Variants in HMCN2 observed in about 807,000 individuals in gnomAD.
HMCN2 encodes the protein hemicentin 2, also known as hemicentin-2.
A neutral mutation model predicts 377.5 loss-of-function variants in HMCN2; 325 were observed. That is an observed-to-expected ratio of 0.86 (90% CI 0.79 to 0.94). The LOEUF (loss-of-function observed/expected upper bound fraction) is 0.94, where lower values mean the gene tolerates loss of function less well. Ranked by LOEUF, HMCN2 falls within the 40% of genes least tolerant of loss-of-function variation. The probability of loss-of-function intolerance (pLI) is 0.00; values close to 1 mark genes in which losing one functional copy is unlikely to be tolerated. For missense variants in HMCN2, 4,543 were observed against 4,725.3 expected (o/e 0.96, Z 1.13); for synonymous variants, 2,007 against 2,046.8 (o/e 0.98, Z 0.53).
At chr9:130,335,725 G>A (rs1838710033) in intron 22 of HMCN2, among the ~76,000 whole-genome samples, 2 of 152,172 alleles carry the variant, frequency 1.3e-5, no homozygotes, top group African/African-American at 2.4e-5. Flanking sequence ...TCCTTGGCTC[G>A]AGGTCAGCCT....
chr9:130,359,690 C>A (rs1012998685), intron 37 of HMCN2, among the ~76,000 whole-genome samples: 2 of 152,172 alleles, frequency 1.3e-5, no homozygotes, highest in Non-Finnish European at 2.9e-5. Flanking sequence ...GGATCAGGAC[C>A]TCAGAGTCAC....
Position 130,410,587 on chromosome 9 carries a change from G to A in HMCN2, c.12896G>A (p.Arg4299Gln), listed in dbSNP as rs775077922. ...IRRTERDDAG[R>Q]YQCLAENEMG... is the part of the protein sequence containing the mutation. ...CACTTGCAGAGGGACGATGCGGGAC[G>A]GTACCAGTGCCTGGCAGAGAATGAG... is the stretch of plus-strand genomic sequence containing the variant. Residue 4299 changes from arginine to glutamine, a missense_variant, in exon 85 of 98, where the codon CGG becomes CAG. Around this residue, in one of 5 missense-constraint regions of HMCN2, gnomAD observed 1,155 missense variants for 1,157.7 expected, o/e 1.00. Transcript: ENST00000683500. 6.3e-5 allele frequency: 98 copies of A among 1,550,580 alleles called. No homozygotes were observed. In the Middle Eastern group the frequency reaches 8.3e-4, roughly 13 times the overall value.
At chr9:130,364,675 A>G (rs900087724) in intron 40 of HMCN2, 39 bp from the exon 41 acceptor site, 2 of 977,296 alleles carry the variant, frequency 2.0e-6, no homozygotes, top group African/African-American at 1.8e-5. Context: ...AGCCCCACCC[A>G]TGTGCCTGAG....
intron 22 of HMCN2, among the ~76,000 whole-genome samples, chr9:130,328,700 G>A (rs941331984): frequency 3.9e-5 from 6 of 152,208 alleles, no homozygotes; most frequent in African/African-American, 1.4e-4. Context: ...CGCAGACCCG[G>A]TGCCGAACTG....
At position 130,353,184 on chromosome 9, in the gene HMCN2, G is replaced by A. The variant is rs1309972953; in HGVS notation, c.4843G>A (p.Ala1615Thr). ...ASNAVGAAEK[A>T]TRLDVYVPPT... The stretch of plus-strand genomic sequence containing the variant: ...CAATGCTGTGGGGGCCGCAGAGAAG[G>A]CCACCAGGCTGGATGTTTATGGTGA... The change falls in exon 31 of 98, where the codon GCC becomes ACC. Residue 1615 changes from alanine (A) to threonine (T), a missense_variant. Around this residue, in one of 5 missense-constraint regions of HMCN2, gnomAD observed 1,032 missense variants for 1,285.1 expected, o/e 0.80. Coordinates refer to ENST00000683500, the MANE Select transcript of HMCN2 (RefSeq NM_001291815.2). 1.1e-5 allele frequency: 14 copies of A among 1,303,804 alleles called. No homozygotes were observed. Among genetic ancestry groups the A allele is most frequent in the Non-Finnish European group, 1.4e-5 (14 of 988,912 alleles). 80.8% of individuals were successfully genotyped at this position (1,303,804 alleles called of 1,614,324 possible). A position where few individuals can be genotyped will look rare whatever the true frequency, so the allele number is the denominator to read the frequency against.
intron 40 of HMCN2, 57 bp downstream of exon 40, chr9:130,363,047 G>C: frequency 1.0e-6 from 1 of 985,418 alleles, no homozygotes; most frequent in Non-Finnish European, 1.2e-6. Context: ...GATGGGGTGG[G>C]GGGCATTCCC....
chr9:130,381,694 C>A (rs1841731083), intron 54 of HMCN2, among the ~76,000 whole-genome samples: 1 of 152,076 alleles, frequency 6.6e-6, no homozygotes, highest in South Asian at 2.1e-4. Context: ...GGCTTTTGAT[C>A]ACAGAGGGTC....
At position 130,424,765 on chromosome 9, in the gene HMCN2, G is replaced by C. The variant is rs760023865; in HGVS notation, c.13382-11G>C. The C allele has an allele frequency of 9.5e-5, 145 of 1,530,978 alleles. No homozygotes were observed. Among genetic ancestry groups the C allele is most frequent in the Middle Eastern group, 7.9e-4 (4 of 5,086 alleles). 94.8% of individuals were successfully genotyped at this position (1,530,978 alleles called of 1,614,324 possible). On this transcript the variant is annotated splice_polypyrimidine_tract_variant and intron_variant, in intron 87 of 97. Coordinates refer to ENST00000683500, the MANE Select transcript of HMCN2 (RefSeq NM_001291815.2). Reference sequence around the variant, plus strand: ...AGCTCTAACCCGGCCTCTATGCCCTGCCCCACCCAGGGCCTCTGATGCGGG... The same window carrying C: ...AGCTCTAACCCGGCCTCTATGCCCTCCCCCACCCAGGGCCTCTGATGCGGG...
At chr9:130,396,681 GC>G (rs1190054817) in intron 73 of HMCN2, among the ~76,000 whole-genome samples, 1 of 152,100 alleles carries the variant, frequency 6.6e-6, no homozygotes, top group South Asian at 2.1e-4. Context: ...CAGGTTTACA[GC>G]TCCTCAGCTC....
Position 130,294,857 on chromosome 9 carries a change from G to A in HMCN2, c.615G>A (p.Val205=), listed in dbSNP as rs782456952. 19 of 449,432 alleles carry A rather than the reference G, an allele frequency of 4.2e-5. No homozygotes were observed. The highest frequency in any genetic ancestry group is 3.6e-4 in the African/African-American group (18 of 49,322). 27.8% of individuals were successfully genotyped at this position (449,432 alleles called of 1,614,324 possible). The change falls in exon 5 of 98, where the codon GTG becomes GTA. Residue 205 remains valine (V), a splice_region_variant and synonymous_variant. Coordinates refer to ENST00000683500, the MANE Select transcript of HMCN2 (RefSeq NM_001291815.2). ...CAGCTCCTCATACTTGCCTCCAGGT[G>A]CTGAAGTGGGTGGAGTCAGCGATCC... ...FHLDKQQVTE[V]LKWVESAIQA...
intron 80 of HMCN2, among the ~76,000 whole-genome samples, chr9:130,404,500 G>A (rs1842994108): frequency 6.6e-6 from 1 of 152,360 alleles, no homozygotes; most frequent in South Asian, 2.1e-4. Context: ...CTCCTCCGCA[G>A]GGATGCTCTG....
At chr9:130,412,988 A>T (rs1314703380) in intron 85 of HMCN2, among the ~76,000 whole-genome samples, 1 of 152,148 alleles carries the variant, frequency 6.6e-6, no homozygotes, top group Non-Finnish European at 1.5e-5. Flanking sequence ...ACGGATAGCC[A>T]ATTGTTCCAG....
intron 34 of HMCN2, 101 bp downstream of exon 34, chr9:130,356,358 T>A: frequency 8.9e-7 from 1 of 1,125,280 alleles, no homozygotes; most frequent in African/African-American, 1.6e-5. Context: ...GGGGCTGGTC[T>A]TTGCTGGATG....
intron 1 of HMCN2, among the ~76,000 whole-genome samples, chr9:130,275,871 T>TGGAGGCCTA (rs1834664243): frequency 6.6e-6 from 1 of 151,648 alleles, no homozygotes; most frequent in Non-Finnish European, 1.5e-5. Flanking sequence ...CCTGGAGGCC[T>TGGAGGCCTA]GGAGGTCTGA....
At position 130,351,554 on chromosome 9, in the gene HMCN2, G is replaced by C. The variant is rs1280945349; in HGVS notation, c.4562G>C (p.Arg1521Thr). The change falls in exon 30 of 98, where the codon AGG becomes ACG. Residue 1521 changes from arginine (R) to threonine (T), a missense_variant. Physicochemically the swap from Arg to Thr is moderately conservative, Grantham distance 71. This residue lies in a region of HMCN2 where 1,032 missense variants were observed against 1,285.1 expected (regional missense o/e 0.80). Coordinates refer to ENST00000683500, the MANE Select transcript of HMCN2 (RefSeq NM_001291815.2). The surrounding 1 kb of genome is among the most constrained non-coding windows in gnomAD (Gnocchi z 5.4). ...TTCAGCCCAGCTGGTCAGCAGGCCA[G>C]GGACTTCCAGCTCCGAGTTCATGGT... ...VAFSPAGQQA[R>T]DFQLRVHAPP... The C allele has an allele frequency of 4.6e-6, 6 of 1,303,888 alleles. No individual in the cohort carries two copies. The East Asian group carries it at 3.3e-4, about 72-fold the overall frequency. 80.8% of individuals were successfully genotyped at this position (1,303,888 alleles called of 1,614,324 possible).
chr9:130,392,151 C>T lies in HMCN2; in HGVS notation c.10136+33C>T, dbSNP rs545452480. The T allele has an allele frequency of 4.1e-6, 4 of 987,540 alleles. No individual in the cohort carries two copies. The East Asian group carries it at 4.5e-4, about 112-fold the overall frequency. The allele number at this position is 987,540 out of a possible 1,614,324, so 61.2% of individuals were successfully genotyped here. Reference sequence around the variant, plus strand: ...AGACGGTGGACAGGCCTTGGCTATTCCACTCAGAGTGGACATGTGGGGATT... The same window carrying T: ...AGACGGTGGACAGGCCTTGGCTATTTCACTCAGAGTGGACATGTGGGGATT... On this transcript the variant is annotated intron_variant, in intron 66 of 97. Transcript: ENST00000683500.
At chr9:130,315,405 C>T (rs1015345786) in intron 15 of HMCN2, among the ~76,000 whole-genome samples, 2 of 113,262 alleles carry the variant, frequency 1.8e-5, no homozygotes, top group African/African-American at 7.4e-5. Context: ...TCTCTTCCCT[C>T]TGTCCCTATG....
intron 29 of HMCN2, among the ~76,000 whole-genome samples, chr9:130,350,734 A>AAAAT (rs767172633): frequency 6.1e-5 from 9 of 148,510 alleles, no homozygotes; most frequent in East Asian, 4.0e-4. Context: ...AAAATACAAA[A>AAAAT]ATATATATAT....
intron 31 of HMCN2, 64 bp from the exon 32 acceptor site, chr9:130,354,699 G>T (rs1179619082): frequency 1.6e-6 from 2 of 1,219,750 alleles, no homozygotes; most frequent in Admixed American, 2.9e-5. Flanking sequence ...GGCCTGTTGG[G>T]CTGAGATGAG....
Sources: allele counts gnomAD v4.1 joint callset (sites outside exome capture counted in the v4.1 genomes callset), GRCh38; gene constraint gnomAD v4.1.1; regional missense constraint gnomAD v4.1.1; non-coding constraint Gnocchi (gnomAD v3.1); transcripts MANE v1.5; gene names NCBI Gene and HGNC (gene_info 2026-07-23, HGNC 2026-07-21).